The following ARHGAP6 variants were observed in gnomAD, a reference collection of about 807,000 sequenced individuals.
ARHGAP6 encodes Rho GTPase activating protein 6.
In ARHGAP6, 16 loss-of-function variants were observed where a neutral mutation model predicts 55.7. That is an observed-to-expected ratio of 0.29 (90% CI 0.19 to 0.44). The LOEUF (loss-of-function observed/expected upper bound fraction) is 0.44. Among genes scored for constraint, ARHGAP6 ranks in the 20% least tolerant of loss-of-function variants. ARHGAP6 has a pLI of 1.00. For synonymous variants in ARHGAP6, 382 were observed against 360.9 expected, an observed-to-expected ratio of 1.06 and a Z score of -0.66; for missense variants, 698 against 808.9, an observed-to-expected ratio of 0.86 and a Z score of 1.66.
chrX:11,174,559 TTCCTTCCTTCCTTC>T lies in ARHGAP6; in HGVS notation c.1629+3527_1629+3540del, dbSNP rs1569241014. ...CTTCCTTCCTTCCTTCCTTCCTTCC[TTCCTTCCTTCCTTC>T]CTTTCTTTCTTTCTTTCTTTTTCTT... On this transcript the variant is annotated intron_variant, in intron 8 of 12. Transcript: ENST00000337414. Among the ~76,000 whole-genome samples, 139 of 85,708 alleles carry T rather than the reference TTCCTTCCTTCCTTC, an allele frequency of 1.6e-3. 1 individual carries two copies. The highest frequency in any genetic ancestry group is 3.9e-3 in the African/African-American group (94 of 23,901). 74.4% of individuals were successfully genotyped at this position (85,708 alleles called of 115,157 possible).
rs184160440 is a variant in ARHGAP6 at position 11,320,205 on chromosome X, C to T, written c.589-65498G>A. Among the ~76,000 whole-genome samples the T allele has an allele frequency of 3.6e-3, 398 of 111,802 alleles. 1 individual carries two copies. Among genetic ancestry groups the T allele is most frequent in the Non-Finnish European group, 5.7e-3 (304 of 53,218 alleles). ...TCTGTTAGCTCATGACTGCAGCATG[C>T]AATAGGAACACAGTTCCTCAGATGC... On this transcript the variant is annotated intron_variant, in intron 1 of 12. Transcript: ENST00000337414.
Position 11,329,270 on chromosome X carries a change from G to A in ARHGAP6, c.589-74563C>T, listed in dbSNP as rs772955629. On this transcript the variant is annotated intron_variant, in intron 1 of 12. Coordinates refer to ENST00000337414, the MANE Select transcript of ARHGAP6 (RefSeq NM_013427.3). ...CTCTGTAAGATGGTAAAGATTTTAT[G>A]GATCAACATGGGAGTAGTCATTTTT... 5.2e-4 allele frequency among the ~76,000 whole-genome samples: 58 copies of A among 111,670 alleles called. No homozygotes were observed. In the South Asian group the frequency reaches 0.02, roughly 39 times the overall value.
At chrX:11,606,098 G>A (rs901367167) in intron 1 of ARHGAP6, among the ~76,000 whole-genome samples, 2 of 111,664 alleles carry the variant, frequency 1.8e-5, no homozygotes, top group African/African-American at 6.5e-5. Flanking sequence ...TGGGAGTTCA[G>A]ACTGTTGAAG....
intron 1 of ARHGAP6, among the ~76,000 whole-genome samples, chrX:11,588,497 T>C (rs1191095128): frequency 8.9e-6 from 1 of 111,878 alleles, no homozygotes; most frequent in East Asian, 2.8e-4. Context: ...ATTCACACTA[T>C]CCAAAAGGTA....
At chrX:11,467,318 A>G (rs181238468) in intron 1 of ARHGAP6, among the ~76,000 whole-genome samples, 2 of 110,616 alleles carry the variant, frequency 1.8e-5, no homozygotes, top group African/African-American at 6.6e-5. Flanking sequence ...ACTCACCACA[A>G]TCATGGCTCA....
chrX:11,195,959 CAAAAAAAAAAAAA>C (rs1024986729), intron 3 of ARHGAP6, among the ~76,000 whole-genome samples: 2 of 8,413 alleles, frequency 2.4e-4, no homozygotes, highest in African/African-American at 3.0e-4. Flanking sequence ...ACTAAAAATA[CAAAAAAAAAAAAA>C]AAAAAAAAAA....
chrX:11,640,521 G>A (rs757097818), intron 1 of ARHGAP6, among the ~76,000 whole-genome samples: 3 of 111,792 alleles, frequency 2.7e-5, no homozygotes, highest in Non-Finnish European at 3.8e-5. Context: ...ATTATGTGAC[G>A]GGGCAAACAC....
intron 1 of ARHGAP6, among the ~76,000 whole-genome samples, chrX:11,542,108 G>A (rs1318435359): frequency 9.3e-6 from 1 of 107,477 alleles, no homozygotes; most frequent in Admixed American, 1.0e-4. Context: ...ACTCCCAAGA[G>A]GAGAAGACAA....
intron 1 of ARHGAP6, among the ~76,000 whole-genome samples, chrX:11,535,389 A>G (rs1717596926): frequency 8.9e-6 from 1 of 112,053 alleles, no homozygotes; most frequent in Non-Finnish European, 1.9e-5. Flanking sequence ...GAGTCAGCAA[A>G]CTTTAATGTG....
intron 1 of ARHGAP6, among the ~76,000 whole-genome samples, chrX:11,556,586 T>C (rs1015425287): frequency 8.9e-6 from 1 of 112,449 alleles, no homozygotes; most frequent in African/African-American, 3.2e-5. Context: ...TTTCTTGTTT[T>C]GGATCTTCCA....
chrX:11,629,954 G>A (rs1601712683), intron 1 of ARHGAP6, among the ~76,000 whole-genome samples: 1 of 111,272 alleles, frequency 9.0e-6, no homozygotes, highest in East Asian at 2.8e-4. Flanking sequence ...CAGGCATATG[G>A]CACTTTCAAG....
chrX:11,614,670 C>T (rs1390188862), intron 1 of ARHGAP6, among the ~76,000 whole-genome samples: 6 of 111,940 alleles, frequency 5.4e-5, no homozygotes, highest in Non-Finnish European at 7.5e-5. Flanking sequence ...ACTGTTAAAA[C>T]ATTTTTGAGT....
chrX:11,146,324 G>A (rs1257544149), intron 10 of ARHGAP6, among the ~76,000 whole-genome samples: 1 of 112,501 alleles, frequency 8.9e-6, no homozygotes, highest in Non-Finnish European at 1.9e-5. Flanking sequence ...CTCCATCAGG[G>A]AGGAAACAGT....
intron 1 of ARHGAP6, among the ~76,000 whole-genome samples, chrX:11,364,388 C>T (rs950847496): frequency 1.8e-5 from 2 of 110,356 alleles, no homozygotes; most frequent in Non-Finnish European, 1.9e-5. Flanking sequence ...ATTACTTTTC[C>T]ACCAATAATT....
chrX:11,321,077 T>C (rs1206151522), intron 1 of ARHGAP6, among the ~76,000 whole-genome samples: 3 of 111,340 alleles, frequency 2.7e-5, no homozygotes, highest in African/African-American at 9.8e-5. Flanking sequence ...CAAAGAAAAA[T>C]ATTTTGCAAA....
At chrX:11,218,736 T>C (rs955926418) in intron 2 of ARHGAP6, among the ~76,000 whole-genome samples, 4 of 111,980 alleles carry the variant, frequency 3.6e-5, no homozygotes, top group African/African-American at 1.3e-4. Context: ...CTAGATTTTC[T>C]AATTTATTTG....
At chrX:11,638,062 G>T (rs2052437034) in intron 1 of ARHGAP6, among the ~76,000 whole-genome samples, 1 of 111,505 alleles carries the variant, frequency 9.0e-6, no homozygotes, top group Non-Finnish European at 1.9e-5. Context: ...GATAGAGATA[G>T]CTAATAACAC....
At chrX:11,542,077 C>CT (rs534684948) in intron 1 of ARHGAP6, among the ~76,000 whole-genome samples, 1,296 of 98,037 alleles carry the variant, frequency 0.013, 21 homozygotes, top group Admixed American at 0.049. Context: ...CAAAGCCCTA[C>CT]TTTTTTTTTT....
chrX:11,375,247 T>C (rs1049913059), intron 1 of ARHGAP6, among the ~76,000 whole-genome samples: 3 of 112,259 alleles, frequency 2.7e-5, no homozygotes, highest in Non-Finnish European at 3.8e-5. Context: ...ACACACATTA[T>C]GCCATTTCAT....
Sources: gnomAD v4.1 joint callset for allele counts (sites outside exome capture counted in the v4.1 genomes callset) on GRCh38, gnomAD v4.1.1 for gene constraint, MANE v1.5 for transcripts, NCBI Gene and HGNC (gene_info 2026-07-23, HGNC 2026-07-21) for gene names.